USP34: variants seen among roughly 807,000 people sequenced by gnomAD.
USP34 encodes ubiquitin specific peptidase 34.
Under a neutral mutation model 460.3 loss-of-function variants are expected in USP34, and 70 were observed. The observed-to-expected ratio is 0.15, with a 90% CI of 0.13 to 0.19. The LOEUF (loss-of-function observed/expected upper bound fraction) is 0.19, where lower values mean the gene tolerates loss of function less well. Ranked by LOEUF, USP34 falls within the 10% of genes least tolerant of loss-of-function variation. USP34 has a pLI of 1.00. For missense variants in USP34, 3,985 were observed against 4,236.2 expected (o/e 0.94, Z 1.65); for synonymous variants, 1,647 against 1,405.3 (o/e 1.17, Z -3.85).
At chr2:61,457,289 G>A (rs913202973) in intron 1 of USP34, among the ~76,000 whole-genome samples, 1 of 152,158 alleles carries the variant, frequency 6.6e-6, no homozygotes, top group East Asian at 1.9e-4. Context: ...ATAAGGTGCA[G>A]TAGCCATTTC....
chr2:61,234,094 G>C (rs1687996267), intron 57 of USP34, among the ~76,000 whole-genome samples: 1 of 152,178 alleles, frequency 6.6e-6, no homozygotes, highest in African/African-American at 2.4e-5. Flanking sequence ...GTATGTGACA[G>C]CTTATTATCC....
chr2:61,417,204 G>C (rs1694222336), intron 2 of USP34: 2 of 1,550,630 alleles, frequency 1.3e-6, no homozygotes, highest in Non-Finnish European at 1.8e-6. Flanking sequence ...CCCTACACTG[G>C]GGTAGTGCAA....
At chr2:61,460,159 CTTA>C (rs771266694) in intron 1 of USP34, among the ~76,000 whole-genome samples, 7 of 152,188 alleles carry the variant, frequency 4.6e-5, no homozygotes, top group African/African-American at 9.7e-5. Flanking sequence ...AATAGTCTCC[CTTA>C]TTATCTTTGG....
chr2:61,264,130 A>C (rs533974801), intron 43 of USP34, among the ~76,000 whole-genome samples: 2 of 152,344 alleles, frequency 1.3e-5, no homozygotes, highest in East Asian at 3.9e-4. Context: ...ATATTTCCAT[A>C]AGCTAAATGA....
intron 25 of USP34, 145 bp from the exon 26 acceptor site, chr2:61,312,055 G>T: frequency 1.0e-6 from 1 of 989,226 alleles, no homozygotes; most frequent in Non-Finnish European, 1.4e-6. Flanking sequence ...ACAAATTTAA[G>T]TTCAGATTCA....
chr2:61,426,300 C>T (rs1694509953), intron 1 of USP34, among the ~76,000 whole-genome samples: 1 of 152,112 alleles, frequency 6.6e-6, no homozygotes, highest in South Asian at 2.1e-4. Flanking sequence ...TCTTGGGTGT[C>T]CCTAATTCTA....
intron 41 of USP34, among the ~76,000 whole-genome samples, chr2:61,273,457 G>A (rs1460268567): frequency 6.6e-6 from 1 of 152,206 alleles, no homozygotes; most frequent in African/African-American, 2.4e-5. Context: ...GGTGGCTCAT[G>A]CTTGTAATCC....
In USP34 at chr2:61,281,096, A is replaced by C. The variant is rs201365598; in HGVS notation, c.5145T>G (p.Pro1715=). 242 of 1,613,476 alleles carry C rather than the reference A, an allele frequency of 1.5e-4. No individual in the cohort carries two copies. Among genetic ancestry groups the C allele is most frequent in the South Asian group, 8.7e-4 (79 of 90,992 alleles). Residue 1715 remains proline, a synonymous_variant, in exon 38 of 80, where the codon CCT becomes CCG. Transcript: ENST00000398571. ...KFLPDAQALK[P]IRIDDYEEEP... is the part of the protein sequence containing the mutation. ...AAACACAGTAAAATCTTACCCTAAT[A>C]GGTTTGAGTGCTTGAGCATCAGGAA...
chr2:61,459,593 G>A (rs748809234), intron 1 of USP34, among the ~76,000 whole-genome samples: 54 of 152,050 alleles, frequency 3.6e-4, no homozygotes, highest in African/African-American at 1.2e-3. Flanking sequence ...TGGCCAACAC[G>A]GTGAAACCCC....
intron 16 of USP34, among the ~76,000 whole-genome samples, chr2:61,343,016 C>T (rs1235902825): frequency 2.0e-5 from 3 of 152,108 alleles, no homozygotes; most frequent in Non-Finnish European, 2.9e-5. Context: ...GTACAAAAAA[C>T]ACATACAAAT....
At chr2:61,273,348 A>G (rs1051959676) in intron 41 of USP34, among the ~76,000 whole-genome samples, 2 of 152,248 alleles carry the variant, frequency 1.3e-5, no homozygotes, top group Admixed American at 1.3e-4. Flanking sequence ...TTTTTTAAAG[A>G]ACTAGATGAA....
At chr2:61,375,931 C>T (rs940028761) in intron 8 of USP34, among the ~76,000 whole-genome samples, 10 of 151,826 alleles carry the variant, frequency 6.6e-5, no homozygotes. Context: ...AACAAACGAA[C>T]AAGAGTATAC....
At chr2:61,384,237 ATATTT>A (rs1693066355) in intron 5 of USP34, among the ~76,000 whole-genome samples, 1 of 152,220 alleles carries the variant, frequency 6.6e-6, no homozygotes. Flanking sequence ...TTTCTACACA[ATATTT>A]TAACATTTAT....
Position 61,188,038 on chromosome 2 carries a change from A to C in USP34, c.*64T>G. On this transcript the variant is annotated 3_prime_UTR_variant, in exon 80 of 80. Coordinates refer to ENST00000398571, the MANE Select transcript of USP34 (RefSeq NM_014709.4). ...TGAAGCACAAAAACAAATAAGCAAA[A>C]CTTATACAAACAGCATGGGGGTTGG... The C allele has an allele frequency of 1.3e-6, 2 of 1,538,488 alleles. No homozygotes were observed. Among genetic ancestry groups the C allele is most frequent in the Non-Finnish European group, 1.7e-6 (2 of 1,146,500 alleles).
chr2:61,205,149 C>T (rs998332341), intron 72 of USP34, among the ~76,000 whole-genome samples: 12 of 152,162 alleles, frequency 7.9e-5, no homozygotes, highest in Non-Finnish European at 1.5e-5. Context: ...CATGAGCCAG[C>T]CCAGATTATT....
intron 41 of USP34, among the ~76,000 whole-genome samples, chr2:61,270,035 C>A (rs1254824325): frequency 6.6e-6 from 1 of 152,166 alleles, no homozygotes; most frequent in African/African-American, 2.4e-5. Flanking sequence ...TTTTTGTATT[C>A]ATTAGCCAAT....
intron 35 of USP34, 66 bp downstream of exon 35, chr2:61,284,809 A>G (rs1243142259): frequency 1.5e-6 from 2 of 1,316,478 alleles, no homozygotes; most frequent in Non-Finnish European, 2.1e-6. Context: ...ATTTTTCAAA[A>G]TAAAGTTTTA....
At chr2:61,269,552 A>G (rs76444107) in intron 41 of USP34, among the ~76,000 whole-genome samples, 1 of 152,056 alleles carries the variant, frequency 6.6e-6, no homozygotes. Context: ...ATAATTCAAT[A>G]ATTTCCTGAA....
At chr2:61,435,559 T>C (rs6755743) in intron 1 of USP34, among the ~76,000 whole-genome samples, 19,058 of 151,810 alleles carry the variant, frequency 0.13, 1,698 homozygotes, top group East Asian at 0.38. Flanking sequence ...ACTGAGGAAA[T>C]ACTCATCAGT....
Sources: gnomAD v4.1 joint callset for allele counts (sites outside exome capture counted in the v4.1 genomes callset) on GRCh38, gnomAD v4.1.1 for gene constraint, MANE v1.5 for transcripts, NCBI Gene and HGNC (gene_info 2026-07-23, HGNC 2026-07-21) for gene names.